The following MRE11 variants were observed in gnomAD, a reference collection of about 807,000 sequenced individuals.
MRE11 encodes MRE11 double strand break repair nuclease.
A neutral mutation model predicts 91.7 loss-of-function variants in MRE11; 62 were observed. The observed-to-expected ratio is 0.68, with a 90% CI of 0.55 to 0.84. The LOEUF is 0.84. Ranked by LOEUF, MRE11 falls within the 40% of genes least tolerant of loss-of-function variation. The probability of loss-of-function intolerance (pLI) is 0.00; values close to 1 mark genes in which losing one functional copy is unlikely to be tolerated. For missense variants in MRE11, 796 were observed against 852.9 expected (o/e 0.93, Z 0.83); for synonymous variants, 273 against 271.4 (o/e 1.01, Z -0.06).
At chr11:94,467,669 A>T in intron 10 of MRE11, 144 bp downstream of exon 10, 1 of 683,380 alleles carries the variant, frequency 1.5e-6, no homozygotes, top group Non-Finnish European at 2.6e-6. Context: ...TCAAATCCTT[A>T]TATCTTTGTT....
At chr11:94,442,515 A>T (rs563782096) in intron 16 of MRE11, among the ~76,000 whole-genome samples, 41 of 152,288 alleles carry the variant, frequency 2.7e-4, no homozygotes, top group African/African-American at 9.6e-4. Context: ...CAGGACAAAA[A>T]AAGACGATTT....
rs138595973 is a variant in MRE11, at chr11:94,470,564, G to T, written c.924C>A (p.Phe308Leu). The T allele has an allele frequency of 9.9e-6, 16 of 1,613,182 alleles. No homozygotes were observed. The African/African-American group carries it at 1.5e-4, about 15-fold the overall frequency. ...GATTAGCTAGAACAATATCCTCCAT[G>T]AAAAACTGCCGCACTGTGTGAAGAG... is the stretch of plus-strand genomic sequence containing the variant. ...KIPLHTVRQF[F>L]MEDIVLANHP... The change falls in exon 9 of 20, where the codon TTC (phenylalanine) becomes TTA (leucine). Residue 308 changes from phenylalanine to leucine, a missense_variant. Coordinates refer to ENST00000323929, the MANE Select transcript of MRE11 (RefSeq NM_005591.4).
the MRE11 span, among the ~76,000 whole-genome samples, chr11:94,506,200 T>C: frequency 2.0e-5 from 3 of 150,648 alleles, no homozygotes; most frequent in South Asian, 4.2e-4. Flanking sequence ...TTTTTTTGGG[T>C]AAGGATTGAA....
At chr11:94,443,094 C>T (rs145090518) in intron 16 of MRE11, among the ~76,000 whole-genome samples, 27 of 152,304 alleles carry the variant, frequency 1.8e-4, no homozygotes, top group African/African-American at 6.5e-4. Context: ...ATCTTTTCTT[C>T]AATGTCAGCT....
Position 94,464,069 on chromosome 11 carries a change from T to C in MRE11, c.1225+44A>G, listed in dbSNP as rs542625830. On this transcript the variant is annotated intron_variant, in intron 11 of 19. Transcript: ENST00000323929. The stretch of plus-strand genomic sequence containing the variant: ...TTTTTAATAAAGATTCCTTCACAAA[T>C]CCTATAAGAACATTTTTTTACCTCA... 23 of 1,590,548 alleles carry C rather than the reference T, an allele frequency of 1.4e-5. No homozygotes were observed. In the African/African-American group the frequency reaches 2.8e-4, roughly 20 times the overall value.
intron 14 of MRE11, among the ~76,000 whole-genome samples, chr11:94,448,846 A>T (rs547588598): frequency 3.9e-5 from 6 of 152,326 alleles, no homozygotes; most frequent in Non-Finnish European, 8.8e-5. Flanking sequence ...ATCTTCCCTT[A>T]AACCAATCAA....
chr11:94,455,129 C>T (rs1028072847), intron 14 of MRE11, among the ~76,000 whole-genome samples: 15 of 151,890 alleles, frequency 9.9e-5, no homozygotes, highest in Non-Finnish European at 1.8e-4. Context: ...TGCAATGCAC[C>T]GAATTAATAT....
intron 11 of MRE11, 33 bp downstream of exon 11, chr11:94,464,080 C>A (rs1946493657): frequency 1.2e-6 from 2 of 1,601,838 alleles, no homozygotes; most frequent in African/African-American, 2.7e-5. Flanking sequence ...CCTATAAGAA[C>A]ATTTTTTTAC....
At chr11:94,464,491 G>A (rs1030579913) in intron 10 of MRE11, among the ~76,000 whole-genome samples, 5 of 152,146 alleles carry the variant, frequency 3.3e-5, no homozygotes, top group African/African-American at 1.2e-4. Context: ...CCACAATGCA[G>A]AATGATTACA....
intron 19 of MRE11, among the ~76,000 whole-genome samples, chr11:94,421,971 G>T (rs565575920): frequency 1.3e-5 from 2 of 152,248 alleles, no homozygotes; most frequent in African/African-American, 4.8e-5. Flanking sequence ...AAGTGCTGAA[G>T]ATCTGTTTAA....
intron 16 of MRE11, among the ~76,000 whole-genome samples, chr11:94,442,640 C>A (rs921168832): frequency 6.6e-6 from 1 of 152,122 alleles, no homozygotes; most frequent in Non-Finnish European, 1.5e-5. Flanking sequence ...TTTCTATGTT[C>A]CTGTTTTCTC....
rs587781378 is a variant in MRE11 at position 94,459,460 on chromosome 11, C to A, written c.1448G>T (p.Arg483Leu). The change falls in exon 13 of 20, where the codon CGA becomes CTA. Residue 483 changes from arginine to leucine, a missense_variant. Physicochemically the swap from Arg to Leu is moderately radical, Grantham distance 102. Coordinates refer to ENST00000323929, the MANE Select transcript of MRE11 (RefSeq NM_005591.4). ...ATCAATATGACGTTCTTTAAGAAAT[C>A]GCTGTGTTTTTTCCAACTGGTATTT... ...LVKYQLEKTQ[R>L]FLKERHIDAL... The A allele has an allele frequency of 6.2e-7, 1 of 1,613,986 alleles. No individual in the cohort carries two copies. The highest frequency in any genetic ancestry group is 1.7e-5 in the Admixed American group (1 of 60,008).
At chr11:94,498,794 G>T, upstream of MRE11, 1 of 420,896 alleles carries the variant, frequency 2.4e-6, no homozygotes. Flanking sequence ...AACTTGACAC[G>T]GGTTGTACAG....
upstream of MRE11, chr11:94,498,320 C>T: frequency 6.2e-7 from 1 of 1,614,038 alleles, no homozygotes; most frequent in South Asian, 1.1e-5. Flanking sequence ...TATCAATGCC[C>T]AAACAAAAGG....
the MRE11 span, among the ~76,000 whole-genome samples, chr11:94,505,468 T>G: frequency 6.6e-6 from 1 of 152,096 alleles, no homozygotes; most frequent in Admixed American, 6.5e-5. Context: ...TAATGCATAT[T>G]GAAAATACAA....
At chr11:94,493,088 T>G (rs955474316) in intron 1 of MRE11, among the ~76,000 whole-genome samples, 182 bp from the exon 2 acceptor site, 2 of 152,086 alleles carry the variant, frequency 1.3e-5, no homozygotes, top group African/African-American at 4.8e-5. Context: ...ATAATATATC[T>G]CCAGTGTACA....
At chr11:94,471,151 A>G (rs1462292060) in intron 8 of MRE11, among the ~76,000 whole-genome samples, 1 of 152,096 alleles carries the variant, frequency 6.6e-6, no homozygotes, top group Non-Finnish European at 1.5e-5. Flanking sequence ...ATCACTGTTA[A>G]CTACTTCTTA....
At chr11:94,453,837 G>A (rs1946178813) in intron 14 of MRE11, among the ~76,000 whole-genome samples, 1 of 152,082 alleles carries the variant, frequency 6.6e-6, no homozygotes, top group African/African-American at 2.4e-5. Context: ...CTCAAATTGA[G>A]GTAGAACATA....
At chr11:94,500,667 G>A in the MRE11 span, among the ~76,000 whole-genome samples, 22 of 152,272 alleles carry the variant, frequency 1.4e-4, no homozygotes, top group Admixed American at 1.1e-3. Flanking sequence ...GATTCATAGC[G>A]TCATTCTTAG....
Sources: allele counts gnomAD v4.1 joint callset (sites outside exome capture counted in the v4.1 genomes callset), GRCh38; gene constraint gnomAD v4.1.1; transcripts MANE v1.5; gene names NCBI Gene and HGNC (gene_info 2026-07-23, HGNC 2026-07-21).